ADCY5: variants seen among roughly 807,000 people sequenced by gnomAD.
ADCY5 encodes adenylate cyclase 5, also known as adenylate cyclase type 5.
In ADCY5, 30 loss-of-function variants were observed where a neutral mutation model predicts 119.7. That is an observed-to-expected ratio of 0.25 (90% CI 0.19 to 0.34). ADCY5 has a LOEUF of 0.34. ADCY5 is among the 10% of genes least tolerant of loss of function. ADCY5 has a pLI of 1.00. For missense variants in ADCY5, 1,324 were observed against 1,775.2 expected, an observed-to-expected ratio of 0.75 and a Z score of 4.57; for synonymous variants, 753 against 762.2, an observed-to-expected ratio of 0.99 and a Z score of 0.20.
intron 1 of ADCY5, among the ~76,000 whole-genome samples, chr3:123,429,078 A>C (rs1468458879): frequency 1.3e-5 from 2 of 152,216 alleles, no homozygotes; most frequent in Non-Finnish European, 1.5e-5. Flanking sequence ...ATGAGCTACT[A>C]AGTGTTCAGC....
intron 1 of ADCY5, among the ~76,000 whole-genome samples, chr3:123,429,156 T>C (rs1432828820): frequency 6.6e-6 from 1 of 152,240 alleles, no homozygotes; most frequent in Admixed American, 6.5e-5. Flanking sequence ...CTATTATTTT[T>C]AGGCTGGGCA....
chr3:123,416,155 G>A, intron 1 of ADCY5: 1 of 1,535,730 alleles, frequency 6.5e-7, no homozygotes. Flanking sequence ...CAGGTAGTGT[G>A]GGAGGCCTGA....
chr3:123,431,164 A>G (rs1945514552), intron 1 of ADCY5, among the ~76,000 whole-genome samples: 1 of 152,254 alleles, frequency 6.6e-6, no homozygotes, highest in South Asian at 2.1e-4. Flanking sequence ...TCATTCATCC[A>G]GCCAGCAGCT....
At chr3:123,312,965 G>A (rs1940666831) in intron 12 of ADCY5, among the ~76,000 whole-genome samples, 1 of 152,246 alleles carries the variant, frequency 6.6e-6, no homozygotes, top group Admixed American at 6.5e-5. Flanking sequence ...ACATGGGGCA[G>A]GAGGGAGGCT....
chr3:123,321,190 C>T (rs1472789083), intron 8 of ADCY5, among the ~76,000 whole-genome samples: 1 of 152,210 alleles, frequency 6.6e-6, no homozygotes, highest in Non-Finnish European at 1.5e-5. Context: ...CGGACACACT[C>T]ATGCACACTC....
At chr3:123,291,035 T>C in intron 18 of ADCY5, 78 bp downstream of exon 18, 1 of 1,504,574 alleles carries the variant, frequency 6.6e-7, no homozygotes. Flanking sequence ...GGGCGCCAGG[T>C]CTCTTCACAT....
chr3:123,418,269 G>T (rs1945227597), intron 1 of ADCY5, among the ~76,000 whole-genome samples: 1 of 152,214 alleles, frequency 6.6e-6, no homozygotes, highest in Admixed American at 6.5e-5. Flanking sequence ...TTATATCTGG[G>T]TGTATCTGCA....
intron 3 of ADCY5, among the ~76,000 whole-genome samples, chr3:123,336,167 G>A (rs926927120): frequency 2.6e-5 from 4 of 152,230 alleles, no homozygotes; most frequent in African/African-American, 7.2e-5. Context: ...CTATGCTGGC[G>A]TGTGCATGCC....
intron 14 of ADCY5, among the ~76,000 whole-genome samples, chr3:123,301,717 C>A (rs538506694): frequency 1.3e-5 from 2 of 152,358 alleles, no homozygotes; most frequent in African/African-American, 4.8e-5. Flanking sequence ...AGGGGAGCCA[C>A]CACCAAGGGG....
intron 1 of ADCY5, among the ~76,000 whole-genome samples, chr3:123,406,466 A>AAACCT (rs1944904351): frequency 6.6e-6 from 1 of 152,168 alleles, no homozygotes; most frequent in Non-Finnish European, 1.5e-5. Flanking sequence ...AACAATAATA[A>AAACCT]AACCTACGGT....
chr3:123,325,285 A>C (rs1453932287), intron 8 of ADCY5, 37 bp downstream of exon 8: 2 of 1,611,878 alleles, frequency 1.2e-6, no homozygotes, highest in Non-Finnish European at 8.5e-7. Context: ...CTAGCCTTGG[A>C]GAGTGTTGCC....
intron 1 of ADCY5, among the ~76,000 whole-genome samples, chr3:123,372,488 C>T (rs1451787409): frequency 6.6e-6 from 1 of 152,228 alleles, no homozygotes; most frequent in Non-Finnish European, 1.5e-5. Flanking sequence ...AGCAGCACCC[C>T]TTCCCAGAGG....
At chr3:123,412,466 C>G (rs1438116116) in intron 1 of ADCY5, among the ~76,000 whole-genome samples, 1 of 152,162 alleles carries the variant, frequency 6.6e-6, no homozygotes, top group Admixed American at 6.5e-5. Context: ...CCCAAAGGGG[C>G]CAGGGCTGCA....
chr3:123,396,041 GGAGGGA>G, intron 1 of ADCY5, among the ~76,000 whole-genome samples: 1 of 98,492 alleles, frequency 1.0e-5, no homozygotes, highest in Non-Finnish European at 2.1e-5. Flanking sequence ...AGAGAGGGAG[GGAGGGA>G]GAGAGGGAGG....
At chr3:123,376,507 C>T (rs1231512932) in intron 1 of ADCY5, among the ~76,000 whole-genome samples, 2 of 152,098 alleles carry the variant, frequency 1.3e-5, no homozygotes, top group Non-Finnish European at 2.9e-5. Flanking sequence ...AGAAAAGTGT[C>T]ATTAGAAGGA....
At chr3:123,328,541 C>T (rs1003562212) in intron 6 of ADCY5, 103 bp downstream of exon 6, 1 of 1,404,194 alleles carries the variant, frequency 7.1e-7, no homozygotes, top group East Asian at 2.3e-5. Context: ...CCCATCCTGC[C>T]CACCCCACCC....
At chr3:123,374,920 T>C (rs549126822) in intron 1 of ADCY5, among the ~76,000 whole-genome samples, 257 of 152,354 alleles carry the variant, frequency 1.7e-3, no homozygotes, top group Middle Eastern at 3.4e-3. Context: ...GGGCACATGA[T>C]GAGCTCACAC....
chr3:123,335,268 T>C (rs1377129213), intron 3 of ADCY5, among the ~76,000 whole-genome samples: 1 of 152,198 alleles, frequency 6.6e-6, no homozygotes, highest in African/African-American at 2.4e-5. Flanking sequence ...CTGACTGCCC[T>C]GGTGCCTCCC....
intron 1 of ADCY5, among the ~76,000 whole-genome samples, chr3:123,404,732 G>T (rs1349676903): frequency 5.9e-5 from 9 of 152,230 alleles, no homozygotes; most frequent in African/African-American, 2.2e-4. Context: ...CAGCACTCGA[G>T]AATTTTTGGA....
Sources: gnomAD v4.1 joint callset for allele counts (sites outside exome capture counted in the v4.1 genomes callset) on GRCh38, gnomAD v4.1.1 for gene constraint, MANE v1.5 for transcripts, NCBI Gene and HGNC (gene_info 2026-07-23, HGNC 2026-07-21) for gene names.